Variants in ST6GALNAC3 observed in about 807,000 individuals in gnomAD.
ST6GALNAC3 encodes the protein ST6 N-acetylgalactosaminide alpha-2,6-sialyltransferase 3, also known as alpha-N-acetylgalactosaminide alpha-2,6-sialyltransferase 3.
A neutral mutation model predicts 32.7 loss-of-function variants in ST6GALNAC3; 25 were observed. That is an observed-to-expected ratio of 0.76 (90% CI 0.56 to 1.07). The LOEUF (loss-of-function observed/expected upper bound fraction) is 1.07, where lower values mean the gene tolerates loss of function less well. Among genes scored for constraint, ST6GALNAC3 ranks in the 50% least tolerant of loss-of-function variants. The pLI is 0.00. For synonymous variants in ST6GALNAC3, 129 were observed against 133.1 expected (o/e 0.97, Z 0.21); for missense variants, 355 against 382.4 (o/e 0.93, Z 0.60).
chr1:76,580,944 C>T (rs926995078), intron 3 of ST6GALNAC3, among the ~76,000 whole-genome samples: 1 of 152,058 alleles, frequency 6.6e-6, no homozygotes, highest in Non-Finnish European at 1.5e-5. Flanking sequence ...AAGACACATG[C>T]TTTGGAGTGT....
chr1:76,403,606 C>T (rs536906286), intron 2 of ST6GALNAC3, among the ~76,000 whole-genome samples: 2 of 152,138 alleles, frequency 1.3e-5, no homozygotes, highest in Admixed American at 6.6e-5. Flanking sequence ...GGTGGACTCC[C>T]GCCATTGCCA....
intron 3 of ST6GALNAC3, among the ~76,000 whole-genome samples, chr1:76,581,454 A>G (rs1646890744): frequency 1.3e-5 from 2 of 152,176 alleles, no homozygotes; most frequent in Admixed American, 6.6e-5. Flanking sequence ...GTAGCATGTC[A>G]TATGTCTGTG....
chr1:76,513,843 T>G (rs1662016328), intron 3 of ST6GALNAC3, among the ~76,000 whole-genome samples: 1 of 152,186 alleles, frequency 6.6e-6, no homozygotes, highest in Admixed American at 6.5e-5. Context: ...TCCTCAGCGT[T>G]TTATAGTTTT....
intron 3 of ST6GALNAC3, among the ~76,000 whole-genome samples, chr1:76,605,763 G>T (rs1169169269): frequency 1.3e-5 from 2 of 148,604 alleles, no homozygotes; most frequent in Non-Finnish European, 3.0e-5. Context: ...TACTTAGGAG[G>T]CTGAGGCAGG....
intron 1 of ST6GALNAC3, among the ~76,000 whole-genome samples, chr1:76,229,242 T>C (rs894703027): frequency 2.0e-5 from 3 of 152,122 alleles, no homozygotes; most frequent in Non-Finnish European, 4.4e-5. Context: ...AGCTAAACAA[T>C]AACTTCAACA....
In ST6GALNAC3 at chr1:76,112,445, C is replaced by T. The variant is rs570221711; in HGVS notation, c.18+37561C>T. ...CTAACCCCCCGACCTCCCTTCCGGA[C>T]GGGGCGGCTGGCCGGGCGGGGGGCT... is the stretch of plus-strand genomic sequence containing the variant. On this transcript the variant is annotated intron_variant, in intron 1 of 4. Transcript: ENST00000328299. Among the ~76,000 whole-genome samples the T allele has an allele frequency of 6.6e-3, 969 of 145,966 alleles. 6 individuals are homozygous for T. The highest frequency in any genetic ancestry group is 0.029 in the South Asian group (133 of 4,626).
chr1:76,098,162 C>T (rs1338725939), intron 1 of ST6GALNAC3, among the ~76,000 whole-genome samples: 1 of 152,070 alleles, frequency 6.6e-6, no homozygotes, highest in Non-Finnish European at 1.5e-5. Context: ...GCATTTCCAC[C>T]ATACATATTC....
intron 2 of ST6GALNAC3, among the ~76,000 whole-genome samples, chr1:76,336,742 C>G (rs1031885237): frequency 6.6e-6 from 1 of 152,146 alleles, no homozygotes; most frequent in Non-Finnish European, 1.5e-5. Flanking sequence ...CCTTTTATCC[C>G]CCACTCATTT....
rs183317354 is a variant in ST6GALNAC3 at position 76,556,808 on chromosome 1, C to A, written c.624-70644C>A. Among the ~76,000 whole-genome samples the A allele has an allele frequency of 2.2e-4, 33 of 152,246 alleles. 1 individual carries two copies. Among genetic ancestry groups the A allele is most frequent in the African/African-American group, 7.5e-4 (31 of 41,576 alleles). On this transcript the variant is annotated intron_variant, in intron 3 of 4. Coordinates refer to ENST00000328299, the MANE Select transcript of ST6GALNAC3 (RefSeq NM_152996.4). The stretch of plus-strand genomic sequence containing the variant: ...TGTATGATGTGCAAATATTTTCTCT[C>A]ACCTTGTGGGCTATCTTTTCACTTT...
chr1:76,493,976 G>A (rs74089967), intron 3 of ST6GALNAC3, among the ~76,000 whole-genome samples: 7,260 of 151,904 alleles, frequency 0.048, 578 homozygotes, highest in African/African-American at 0.17. Context: ...TCTTTGCCTG[G>A]GCCCTTAGGA....
chr1:76,457,374 A>G (rs1287642083), intron 3 of ST6GALNAC3, among the ~76,000 whole-genome samples: 1 of 152,140 alleles, frequency 6.6e-6, no homozygotes, highest in Non-Finnish European at 1.5e-5. Context: ...ATATGGAACC[A>G]AAAAGGAGCC....
At chr1:76,362,963 C>A (rs1650084590) in intron 2 of ST6GALNAC3, among the ~76,000 whole-genome samples, 1 of 152,184 alleles carries the variant, frequency 6.6e-6, no homozygotes, top group Admixed American at 6.5e-5. Flanking sequence ...TAGGCAGTGC[C>A]CCAGCAGGGA....
chr1:76,122,584 G>A (rs1265581929), intron 1 of ST6GALNAC3, among the ~76,000 whole-genome samples: 1 of 152,158 alleles, frequency 6.6e-6, no homozygotes, highest in Non-Finnish European at 1.5e-5. Context: ...GTAATTATGT[G>A]CACACATTTT....
At chr1:76,282,964 G>T (rs759272059) in intron 1 of ST6GALNAC3, among the ~76,000 whole-genome samples, 1 of 152,068 alleles carries the variant, frequency 6.6e-6, no homozygotes, top group Non-Finnish European at 1.5e-5. Flanking sequence ...GCTTGAGCCC[G>T]GGAGGTGGAG....
intron 1 of ST6GALNAC3, among the ~76,000 whole-genome samples, chr1:76,295,358 T>G (rs545849788): frequency 2.0e-5 from 3 of 152,116 alleles, no homozygotes; most frequent in African/African-American, 7.2e-5. Context: ...TTTGGAAATG[T>G]TGGACCTCGG....
At chr1:76,126,466 C>G (rs546672526) in intron 1 of ST6GALNAC3, among the ~76,000 whole-genome samples, 1 of 89,836 alleles carries the variant, frequency 1.1e-5, no homozygotes, top group African/African-American at 4.9e-5. Context: ...CTCTCTGTCT[C>G]GCTCTCTTTC....
chr1:76,472,969 C>T (rs368849449), intron 3 of ST6GALNAC3, among the ~76,000 whole-genome samples: 8 of 151,634 alleles, frequency 5.3e-5, no homozygotes, highest in African/African-American at 9.7e-5. Flanking sequence ...TGCTGAAAGG[C>T]GAGTGAGGAT....
At chr1:76,174,668 T>C (rs948659201) in intron 1 of ST6GALNAC3, among the ~76,000 whole-genome samples, 17 of 149,066 alleles carry the variant, frequency 1.1e-4, no homozygotes, top group Admixed American at 3.3e-4. Flanking sequence ...CTTTTCTTTT[T>C]TTTTTTTCTT....
At chr1:76,393,628 A>G (rs913194893) in intron 2 of ST6GALNAC3, among the ~76,000 whole-genome samples, 1 of 152,218 alleles carries the variant, frequency 6.6e-6, no homozygotes, top group African/African-American at 2.4e-5. Context: ...GAAAAATAGC[A>G]AAGAGCTAAA....
Sources: gnomAD v4.1 joint callset for allele counts (sites outside exome capture counted in the v4.1 genomes callset) on GRCh38, gnomAD v4.1.1 for gene constraint, MANE v1.5 for transcripts, NCBI Gene and HGNC (gene_info 2026-07-23, HGNC 2026-07-21) for gene names.